The following AGPAT4 variants were observed in gnomAD, a reference collection of about 807,000 sequenced individuals.
AGPAT4 encodes the protein 1-acylglycerol-3-phosphate O-acyltransferase 4.
AGPAT4 carries 15 observed loss-of-function variants against 48.0 expected under a neutral mutation model. The observed-to-expected ratio is 0.31, with a 90% CI of 0.21 to 0.48. The LOEUF (loss-of-function observed/expected upper bound fraction) is 0.48, where lower values mean the gene tolerates loss of function less well. AGPAT4 is among the 20% of genes least tolerant of loss of function. The pLI is 0.99. For missense variants in AGPAT4, 314 were observed against 482.5 expected (o/e 0.65, Z 3.27); for synonymous variants, 178 against 198.7 (o/e 0.90, Z 0.88).
Position 161,155,396 on chromosome 6 carries a change from C to T in AGPAT4, c.349-1086G>A, listed in dbSNP as rs1157292537. On this transcript the variant is annotated intron_variant, in intron 3 of 8. Coordinates refer to ENST00000320285, the MANE Select transcript of AGPAT4 (RefSeq NM_020133.3). The surrounding 1 kb of genome is among the most constrained non-coding windows in gnomAD (Gnocchi z 5.8). ...AGGGCAGCCCTAAACCTAGGATGCCCACAGCGCAGAGAGCTCCGGCTTCAA... is the reference window on the plus strand; with the variant it reads ...AGGGCAGCCCTAAACCTAGGATGCCTACAGCGCAGAGAGCTCCGGCTTCAA... 6.6e-6 allele frequency among the ~76,000 whole-genome samples: 1 copy of T among 152,270 alleles called. No individual in the cohort carries two copies. The highest frequency in any genetic ancestry group is 1.5e-5 in the Non-Finnish European group (1 of 68,026).
rs1323775235 is a variant in AGPAT4 at position 161,254,690 on chromosome 6, C to G, written c.-90+19248G>C. Among the ~76,000 whole-genome samples, 1 of 152,218 alleles carries G rather than the reference C, an allele frequency of 6.6e-6. No homozygotes were observed. Among genetic ancestry groups the G allele is most frequent in the Non-Finnish European group, 1.5e-5 (1 of 68,048 alleles). On this transcript the variant is annotated intron_variant, in intron 1 of 8. Transcript: ENST00000320285. This position sits in a 1 kb window ranked among gnomAD's most constrained non-coding sequence, Gnocchi z 5.9. ...TGGAAAGCAGCATGGGTTAGCAAAT[C>G]CTTAGATTTACTGAGGCTACTTACA... is the stretch of plus-strand genomic sequence containing the variant.
chr6:161,180,728 C>T lies in AGPAT4; in HGVS notation c.179-14311G>A, dbSNP rs939927627. Among the ~76,000 whole-genome samples, 11 of 152,072 alleles carry T rather than the reference C, an allele frequency of 7.2e-5. No homozygotes were observed. Among genetic ancestry groups the T allele is most frequent in the East Asian group, 3.9e-4 (2 of 5,178 alleles). On this transcript the variant is annotated intron_variant, in intron 2 of 8. Coordinates refer to ENST00000320285, the MANE Select transcript of AGPAT4 (RefSeq NM_020133.3). This position sits in a 1 kb window ranked among gnomAD's most constrained non-coding sequence, Gnocchi z 6.4. ...CTTCCCTGTAGCGGTGCTGGAGGGC[C>T]GGGTCTCTCTCCTGGCATCATAAGG...
rs1289774461 is a variant in AGPAT4 at position 161,189,880 on chromosome 6, T to G, written c.179-23463A>C. On this transcript the variant is annotated intron_variant, in intron 2 of 8. Transcript: ENST00000320285. This position sits in a 1 kb window ranked among gnomAD's most constrained non-coding sequence, Gnocchi z 5.3. ...TTCTGTCTTATCAGTTCTGAAATGC[T>G]CCGTTGGTTCACATTTTAACATGCT... 6.6e-6 allele frequency among the ~76,000 whole-genome samples: 1 copy of G among 152,234 alleles called. No homozygotes were observed. Among genetic ancestry groups the G allele is most frequent in the African/African-American group, 2.4e-5 (1 of 41,454 alleles).
chr6:161,191,897 A>T (rs552878779), intron 2 of AGPAT4, among the ~76,000 whole-genome samples: 1 of 152,240 alleles, frequency 6.6e-6, no homozygotes, highest in Non-Finnish European at 1.5e-5. Flanking sequence ...TGAACAAGTG[A>T]TTTAACTGTG....
chr6:161,227,451 C>A (rs987983322), intron 2 of AGPAT4, among the ~76,000 whole-genome samples: 5 of 152,180 alleles, frequency 3.3e-5, no homozygotes, highest in South Asian at 2.1e-4. Context: ...TGCTTCCTCT[C>A]GGGAAAGTAG....
rs996372060 is a variant in AGPAT4, at chr6:161,216,002, A to G, written c.178+16034T>C. ...GCTGGAAAGCTGTCCAGGCTCACACATACTTGCCTCTCTTAACCGCACCAT... is the reference window on the plus strand; with the variant it reads ...GCTGGAAAGCTGTCCAGGCTCACACGTACTTGCCTCTCTTAACCGCACCAT... On this transcript the variant is annotated intron_variant, in intron 2 of 8. Coordinates refer to ENST00000320285, the MANE Select transcript of AGPAT4 (RefSeq NM_020133.3). This position sits in a 1 kb window ranked among gnomAD's most constrained non-coding sequence, Gnocchi z 4.8. 1.3e-5 allele frequency among the ~76,000 whole-genome samples: 2 copies of G among 152,186 alleles called. No homozygotes were observed. Among genetic ancestry groups the G allele is most frequent in the African/African-American group, 4.8e-5 (2 of 41,460 alleles).
chr6:161,137,104 G>C lies in AGPAT4; in HGVS notation c.1043-470C>G, dbSNP rs1242568365. Among the ~76,000 whole-genome samples the C allele has an allele frequency of 6.6e-6, 1 of 152,230 alleles. No individual in the cohort carries two copies. Among genetic ancestry groups the C allele is most frequent in the East Asian group, 1.9e-4 (1 of 5,190 alleles). On this transcript the variant is annotated intron_variant, in intron 8 of 8. Coordinates refer to ENST00000320285, the MANE Select transcript of AGPAT4 (RefSeq NM_020133.3). The surrounding 1 kb of genome is among the most constrained non-coding windows in gnomAD (Gnocchi z 6.1). ...AGCACTGCTTTTGGTGCAAGCGTTA[G>C]AGCAGTGAGAAAATCCCCGCCCTCT...
chr6:161,221,078 C>T lies in AGPAT4; in HGVS notation c.178+10958G>A, dbSNP rs558151949. 3.3e-5 allele frequency among the ~76,000 whole-genome samples: 5 copies of T among 152,240 alleles called. No homozygotes were observed. Among genetic ancestry groups the T allele is most frequent in the South Asian group, 2.1e-4 (1 of 4,826 alleles). On this transcript the variant is annotated intron_variant, in intron 2 of 8. Transcript: ENST00000320285. This position sits in a 1 kb window ranked among gnomAD's most constrained non-coding sequence, Gnocchi z 4.5. The stretch of plus-strand genomic sequence containing the variant: ...GATTACAGGCATGAGCCACCGCACC[C>T]GGCCCCAGACAGCATATTTAAACAG...
chr6:161,158,666 G>A lies in AGPAT4; in HGVS notation c.349-4356C>T, dbSNP rs1431248485. 1.3e-5 allele frequency among the ~76,000 whole-genome samples: 2 copies of A among 152,228 alleles called. No individual in the cohort carries two copies. The highest frequency in any genetic ancestry group is 2.9e-5 in the Non-Finnish European group (2 of 68,034). ...GGACGTTGGGAAGAGCTGACGCAGA[G>A]AGGGCCTGAGACCCAGTACTCTGAC... On this transcript the variant is annotated intron_variant, in intron 3 of 8. Coordinates refer to ENST00000320285, the MANE Select transcript of AGPAT4 (RefSeq NM_020133.3). This position sits in a 1 kb window ranked among gnomAD's most constrained non-coding sequence, Gnocchi z 5.3.
At position 161,139,447 on chromosome 6, in the gene AGPAT4, G is replaced by A; in HGVS notation, c.1017C>T (p.Ala339=). 1 of 1,614,098 alleles carries A rather than the reference G, an allele frequency of 6.2e-7. No individual in the cohort carries two copies. Among genetic ancestry groups the A allele is most frequent in the East Asian group, 2.2e-5 (1 of 44,854 alleles). The change falls in exon 8 of 9, where the codon GCC becomes GCT. Residue 339 remains alanine, a synonymous_variant. Coordinates refer to ENST00000320285, the MANE Select transcript of AGPAT4 (RefSeq NM_020133.3). This position sits in a 1 kb window ranked among gnomAD's most constrained non-coding sequence, Gnocchi z 9.1. Reference sequence around the variant, plus strand: ...CCACAAAGAAGACGAGGATGAAGCTGGCCAGCGTCAGGGAAGACCCGCTCC... The same window carrying A: ...CCACAAAGAAGACGAGGATGAAGCTAGCCAGCGTCAGGGAAGACCCGCTCC... ...MIRSGSSLTL[A]SFILVFFVAS...
At chr6:161,237,777 C>T (rs1217758704) in intron 1 of AGPAT4, among the ~76,000 whole-genome samples, 1 of 151,986 alleles carries the variant, frequency 6.6e-6, no homozygotes, top group Non-Finnish European at 1.5e-5. Context: ...AGAATGAAAT[C>T]CACCCCATTC....
rs1367551289 is a variant in AGPAT4 at position 161,143,552 on chromosome 6, G to T, written c.843+2972C>A. Among the ~76,000 whole-genome samples the T allele has an allele frequency of 6.6e-6, 1 of 152,186 alleles. No individual in the cohort carries two copies. Among genetic ancestry groups the T allele is most frequent in the Non-Finnish European group, 1.5e-5 (1 of 68,034 alleles). Reference sequence around the variant, plus strand: ...CTATCGTGACCTCCCTGGAAAAAAGGGGGTTCTGAGGTTGTAGGTTCAGCC... The same window carrying T: ...CTATCGTGACCTCCCTGGAAAAAAGTGGGTTCTGAGGTTGTAGGTTCAGCC... On this transcript the variant is annotated intron_variant, in intron 7 of 8. Coordinates refer to ENST00000320285, the MANE Select transcript of AGPAT4 (RefSeq NM_020133.3). This position sits in a 1 kb window ranked among gnomAD's most constrained non-coding sequence, Gnocchi z 4.7.
intron 2 of AGPAT4, among the ~76,000 whole-genome samples, chr6:161,179,576 C>T (rs78120340): frequency 0.015 from 2,233 of 152,260 alleles, 49 homozygotes; most frequent in Middle Eastern, 0.078. Flanking sequence ...TACATTTGAC[C>T]TTTGAACAAC....
At chr6:161,152,947 T>A (rs1779634841) in intron 5 of AGPAT4, among the ~76,000 whole-genome samples, 1 of 152,152 alleles carries the variant, frequency 6.6e-6, no homozygotes, top group Admixed American at 6.5e-5. Context: ...GACTCCGAGG[T>A]CAGCTGTGAC....
intron 2 of AGPAT4, among the ~76,000 whole-genome samples, chr6:161,173,439 C>T (rs1780337880): frequency 1.3e-5 from 2 of 152,292 alleles, no homozygotes; most frequent in South Asian, 4.1e-4. Flanking sequence ...GTATAAATGT[C>T]TTCTTTTGAG....
rs1252344904 is a variant in AGPAT4, at chr6:161,216,101, A to G, written c.178+15935T>C. 1.3e-5 allele frequency among the ~76,000 whole-genome samples: 2 copies of G among 152,250 alleles called. No individual in the cohort carries two copies. Among genetic ancestry groups the G allele is most frequent in the East Asian group, 1.9e-4 (1 of 5,198 alleles). The stretch of plus-strand genomic sequence containing the variant: ...TAAAGCCAGATTTGTGAGGCTGCCA[A>G]GAGCACTTTTCCCTCCTGCCTTGAC... On this transcript the variant is annotated intron_variant, in intron 2 of 8. Transcript: ENST00000320285. This position sits in a 1 kb window ranked among gnomAD's most constrained non-coding sequence, Gnocchi z 4.8.
rs1781330862 is a variant in AGPAT4 at position 161,204,667 on chromosome 6, G to A, written c.178+27369C>T. On this transcript the variant is annotated intron_variant, in intron 2 of 8. Transcript: ENST00000320285. The surrounding 1 kb of genome is among the most constrained non-coding windows in gnomAD (Gnocchi z 4.4). ...AATCAAAATTGATGTATGGTTGTTTGTCATCAGCAGCTGTTAAAAAAAAAT... is the reference window on the plus strand; with the variant it reads ...AATCAAAATTGATGTATGGTTGTTTATCATCAGCAGCTGTTAAAAAAAAAT... Among the ~76,000 whole-genome samples, 1 of 151,994 alleles carries A rather than the reference G, an allele frequency of 6.6e-6. No homozygotes were observed. Among genetic ancestry groups the A allele is most frequent in the Non-Finnish European group, 1.5e-5 (1 of 68,018 alleles).
chr6:161,271,022 C>T (rs1783406827), intron 1 of AGPAT4, among the ~76,000 whole-genome samples: 1 of 152,182 alleles, frequency 6.6e-6, no homozygotes, highest in African/African-American at 2.4e-5. Flanking sequence ...CGTTGTTAAG[C>T]TGAAGCTAAA....
rs7750855 is a variant in AGPAT4, at chr6:161,271,512, A to G, written c.-90+2426T>C. On this transcript the variant is annotated intron_variant, in intron 1 of 8. Transcript: ENST00000320285. ...GAGCCTTGCAGACAGTAAAATCCCA[A>G]TAAAATGACGGCTGACTCACCCTCT... 8.3e-3 allele frequency among the ~76,000 whole-genome samples: 1,263 copies of G among 152,308 alleles called. 21 individuals are homozygous for G. The highest frequency in any genetic ancestry group is 0.029 in the African/African-American group (1,202 of 41,568).
Sources: allele counts gnomAD v4.1 joint callset (sites outside exome capture counted in the v4.1 genomes callset), GRCh38; gene constraint gnomAD v4.1.1; non-coding constraint Gnocchi (gnomAD v3.1); transcripts MANE v1.5; gene names NCBI Gene and HGNC (gene_info 2026-07-23, HGNC 2026-07-21).